Variants in PRKG1 observed in about 807,000 individuals in gnomAD.
PRKG1 encodes protein kinase cGMP-dependent 1, also known as cGMP-dependent protein kinase 1.
Under a neutral mutation model 88.1 loss-of-function variants are expected in PRKG1, and 35 were observed. The ratio of observed to expected loss-of-function variants is 0.40; its 90% CI spans 0.30 to 0.53. The LOEUF (loss-of-function observed/expected upper bound fraction) is 0.53, where lower values mean the gene tolerates loss of function less well. Among genes scored for constraint, PRKG1 ranks in the 20% least tolerant of loss-of-function variants. The pLI, the probability that PRKG1 is intolerant of heterozygous loss-of-function variation, is 0.59. For synonymous variants in PRKG1, 303 were observed against 292.5 expected, an observed-to-expected ratio of 1.04 and a Z score of -0.37; for missense variants, 540 against 839.8, an observed-to-expected ratio of 0.64 and a Z score of 4.41.
intron 9 of PRKG1, among the ~76,000 whole-genome samples, chr10:52,236,198 C>T: frequency 2.6e-5 from 1 of 37,756 alleles, no homozygotes; most frequent in Admixed American, 3.8e-4. Flanking sequence ...GCACTAAATG[C>T]CCACAAGAGA....
rs796285178 is a variant in PRKG1 at position 51,785,166 on chromosome 10, G to T, written c.593-19419G>T. ...TAAATATCCTAAAAAGACTAAGTTT[G>T]TTCTCCTGCCTCTACCCATTCTCAA... On this transcript the variant is annotated intron_variant, in intron 3 of 17. Transcript: ENST00000373980. 3.7e-3 allele frequency among the ~76,000 whole-genome samples: 515 copies of T among 138,934 alleles called. 5 individuals carry two copies. Among genetic ancestry groups the T allele is most frequent in the African/African-American group, 0.013 (497 of 37,072 alleles). The allele number at this position is 138,934 out of a possible 152,430, so 91.1% of individuals were successfully genotyped here.
chr10:51,861,263 A>G (rs1316187437), intron 4 of PRKG1, among the ~76,000 whole-genome samples: 2 of 152,162 alleles, frequency 1.3e-5, no homozygotes, highest in East Asian at 3.9e-4. Context: ...GTAAGGGTAG[A>G]AAAATAGAAT....
At chr10:51,420,866 A>C (rs1838391523) in intron 2 of PRKG1, among the ~76,000 whole-genome samples, 1 of 152,176 alleles carries the variant, frequency 6.6e-6, no homozygotes, top group South Asian at 2.1e-4. Context: ...AGGAGCGGGC[A>C]CTTCACATGG....
intron 3 of PRKG1, among the ~76,000 whole-genome samples, chr10:51,525,109 C>T (rs1389690833): frequency 6.6e-6 from 1 of 150,582 alleles, no homozygotes; most frequent in East Asian, 2.0e-4. Context: ...GAATGTGGTG[C>T]ATGTGCACAC....
chr10:51,452,933 T>G (rs1236288185), intron 2 of PRKG1, among the ~76,000 whole-genome samples: 1 of 152,052 alleles, frequency 6.6e-6, no homozygotes, highest in African/African-American at 2.4e-5. Context: ...CAATTTTTTT[T>G]GTTGGTAATT....
chr10:52,013,918 C>T (rs1844966108), intron 5 of PRKG1, among the ~76,000 whole-genome samples: 2 of 152,140 alleles, frequency 1.3e-5, no homozygotes, highest in African/African-American at 2.4e-5. Context: ...TGCACTCTAT[C>T]TTGGGTGCTC....
intron 3 of PRKG1, among the ~76,000 whole-genome samples, chr10:51,500,532 C>T (rs961882191): frequency 6.6e-6 from 1 of 152,142 alleles, no homozygotes; most frequent in African/African-American, 2.4e-5. Context: ...CCAGTTTCTA[C>T]CAATATCCAG....
chr10:52,128,410 CAA>C, intron 7 of PRKG1: 1 of 985,316 alleles, frequency 1.0e-6, no homozygotes, highest in Non-Finnish European at 1.2e-6. Flanking sequence ...CCATGAGACA[CAA>C]GAGAATTGGT....
chr10:52,167,843 A>G (rs1170186096), intron 9 of PRKG1, among the ~76,000 whole-genome samples: 1 of 152,190 alleles, frequency 6.6e-6, no homozygotes. Flanking sequence ...CTATATGACT[A>G]TAGATATGTA....
chr10:52,173,337 C>A (rs571748650), intron 9 of PRKG1, among the ~76,000 whole-genome samples: 5 of 152,180 alleles, frequency 3.3e-5, no homozygotes, highest in African/African-American at 1.2e-4. Flanking sequence ...AATTTTCTTT[C>A]GAATATGGCA....
chr10:52,102,501 T>C (rs1847316750), intron 7 of PRKG1, among the ~76,000 whole-genome samples: 2 of 150,216 alleles, frequency 1.3e-5, no homozygotes, highest in African/African-American at 4.9e-5. Context: ...AAATTTCTGC[T>C]GGAGGAAACG....
At chr10:52,209,852 C>A (rs532268940) in intron 9 of PRKG1, among the ~76,000 whole-genome samples, 1 of 152,150 alleles carries the variant, frequency 6.6e-6, no homozygotes, top group Non-Finnish European at 1.5e-5. Context: ...TGAACCACCA[C>A]GTTAATTCCC....
chr10:51,700,815 T>A (rs1042105103), intron 3 of PRKG1, among the ~76,000 whole-genome samples: 2 of 152,360 alleles, frequency 1.3e-5, no homozygotes, highest in African/African-American at 4.8e-5. Flanking sequence ...AGTAAGCTAT[T>A]GGAAAACTTT....
At chr10:52,090,351 T>C (rs1337348567) in intron 7 of PRKG1, among the ~76,000 whole-genome samples, 1 of 152,084 alleles carries the variant, frequency 6.6e-6, no homozygotes, top group Non-Finnish European at 1.5e-5. Context: ...TAAATTATAA[T>C]AGTATTGGAT....
At chr10:51,426,563 A>G (rs1314246942) in intron 2 of PRKG1, among the ~76,000 whole-genome samples, 1 of 152,220 alleles carries the variant, frequency 6.6e-6, no homozygotes, top group Non-Finnish European at 1.5e-5. Flanking sequence ...GATAGGTACT[A>G]AATAGTATGC....
At chr10:51,503,522 T>C (rs777943143) in intron 3 of PRKG1, among the ~76,000 whole-genome samples, 4 of 152,184 alleles carry the variant, frequency 2.6e-5, no homozygotes, top group African/African-American at 9.6e-5. Context: ...CCTCTTCAAA[T>C]TGCATTGACC....
chr10:51,230,904 G>C (rs776213872), intron 2 of PRKG1, among the ~76,000 whole-genome samples: 1 of 151,976 alleles, frequency 6.6e-6, no homozygotes, highest in Non-Finnish European at 1.5e-5. Flanking sequence ...GCTGGTTGTA[G>C]GCACTTTAAA....
At chr10:51,228,669 GAA>G (rs1168376104) in intron 2 of PRKG1, among the ~76,000 whole-genome samples, 1 of 152,192 alleles carries the variant, frequency 6.6e-6, no homozygotes, top group African/African-American at 2.4e-5. Flanking sequence ...TTTCTTCTTA[GAA>G]AAGTTGCTGC....
At chr10:52,068,251 T>C (rs1444280285) in intron 7 of PRKG1, among the ~76,000 whole-genome samples, 1 of 136,034 alleles carries the variant, frequency 7.4e-6, no homozygotes, top group Non-Finnish European at 1.6e-5. Flanking sequence ...CTTGAAACCA[T>C]ATGGAATACA....
Sources: allele counts gnomAD v4.1 joint callset (sites outside exome capture counted in the v4.1 genomes callset), GRCh38; gene constraint gnomAD v4.1.1; transcripts MANE v1.5; gene names NCBI Gene and HGNC (gene_info 2026-07-23, HGNC 2026-07-21).